RBFOX1: variants seen among roughly 807,000 people sequenced by gnomAD.
The protein encoded by RBFOX1 is RNA binding fox-1 homolog 1.
In RBFOX1, 8 loss-of-function variants were observed where a neutral mutation model predicts 57.7. The ratio of observed to expected loss-of-function variants is 0.14; its 90% CI spans 0.08 to 0.25. The LOEUF is 0.25. RBFOX1 is among the 10% of genes least tolerant of loss of function. RBFOX1 has a pLI of 1.00. For synonymous variants in RBFOX1, 326 were observed against 222.4 expected, an observed-to-expected ratio of 1.47 and a Z score of -4.15; for missense variants, 611 against 548.5, an observed-to-expected ratio of 1.11 and a Z score of -1.14.
At chr16:7,686,699 A>G (rs961364206) in intron 14 of RBFOX1, among the ~76,000 whole-genome samples, 13 of 152,254 alleles carry the variant, frequency 8.5e-5, no homozygotes, top group Admixed American at 2.6e-4. Context: ...AAATGAAGAA[A>G]CTGAGGTCCA....
chr16:5,667,433 T>C (rs1185106576), intron 3 of RBFOX1, among the ~76,000 whole-genome samples: 1 of 152,240 alleles, frequency 6.6e-6, no homozygotes, highest in Non-Finnish European at 1.5e-5. Flanking sequence ...TGTTTAGAAA[T>C]ATATTTTAAA....
At chr16:5,258,624 T>C (rs1252670539) in intron 1 of RBFOX1, among the ~76,000 whole-genome samples, 4 of 152,188 alleles carry the variant, frequency 2.6e-5, no homozygotes, top group African/African-American at 9.7e-5. Flanking sequence ...GTGGCTTTAC[T>C]TGAAAGTCTC....
At chr16:6,003,462 C>A (rs2060636738) in intron 4 of RBFOX1, among the ~76,000 whole-genome samples, 1 of 152,060 alleles carries the variant, frequency 6.6e-6, no homozygotes, top group Non-Finnish European at 1.5e-5. Flanking sequence ...TTCTCGCCAC[C>A]GCCCACCACC....
chr16:6,942,024 T>A (rs1195041780), intron 3 of RBFOX1, among the ~76,000 whole-genome samples: 1 of 151,760 alleles, frequency 6.6e-6, no homozygotes, highest in Non-Finnish European at 1.5e-5. Flanking sequence ...AAATTAGGAG[T>A]TTGAGAGCAG....
At chr16:6,379,293 G>T (rs2091540244) in intron 2 of RBFOX1, among the ~76,000 whole-genome samples, 1 of 152,118 alleles carries the variant, frequency 6.6e-6, no homozygotes, top group Non-Finnish European at 1.5e-5. Flanking sequence ...TGCTTCCCTA[G>T]GAGAGAGGCA....
At chr16:6,175,995 A>G (rs1373413974) in intron 1 of RBFOX1, among the ~76,000 whole-genome samples, 1 of 152,070 alleles carries the variant, frequency 6.6e-6, no homozygotes, top group Admixed American at 6.5e-5. Context: ...AGTCCTAGGT[A>G]TTGGTATTTC....
At chr16:6,743,201 C>G (rs571869316) in intron 3 of RBFOX1, among the ~76,000 whole-genome samples, 1 of 151,588 alleles carries the variant, frequency 6.6e-6, no homozygotes, top group Non-Finnish European at 1.5e-5. Context: ...AGCTAATAAG[C>G]CAGCAAAGGA....
At chr16:6,987,794 G>A (rs765688857) in intron 3 of RBFOX1, among the ~76,000 whole-genome samples, 3 of 152,132 alleles carry the variant, frequency 2.0e-5, no homozygotes, top group Admixed American at 6.5e-5. Context: ...ACATTGTAAG[G>A]CTGTTGGGAT....
At chr16:6,716,405 A>C (rs1395654121) in intron 3 of RBFOX1, among the ~76,000 whole-genome samples, 1 of 152,152 alleles carries the variant, frequency 6.6e-6, no homozygotes, top group Non-Finnish European at 1.5e-5. Context: ...GTGCCATTTC[A>C]AAGCGGTGGA....
At chr16:5,498,166 A>T (rs1417659912) in intron 2 of RBFOX1, among the ~76,000 whole-genome samples, 3 of 152,034 alleles carry the variant, frequency 2.0e-5, no homozygotes, top group Non-Finnish European at 2.9e-5. Context: ...TCTGAGACAG[A>T]GTTTTTGCTC....
At position 5,859,482 on chromosome 16, in the gene RBFOX1, G is replaced by A. The variant is rs191642070; in HGVS notation, c.319-7821G>A. On this transcript the variant is annotated intron_variant, in intron 3 of 19. Coordinates refer to the RBFOX1 transcript ENST00000641259. ...GGTAAGGTAACTTTCCCATGGTAGA[G>A]TAAGGACGTATAAAGATCAGGCATT... 3.4e-3 allele frequency among the ~76,000 whole-genome samples: 516 copies of A among 152,342 alleles called. 14 individuals are homozygous for A. The highest frequency in any genetic ancestry group is 0.032 in the Admixed American group (488 of 15,302).
At chr16:6,985,980 G>A (rs2090166148) in intron 3 of RBFOX1, among the ~76,000 whole-genome samples, 1 of 151,194 alleles carries the variant, frequency 6.6e-6, no homozygotes, top group Non-Finnish European at 1.5e-5. Context: ...AAACTTACCG[G>A]ACGAGAGAAA....
At chr16:6,060,209 G>A (rs1234141270) in intron 1 of RBFOX1, among the ~76,000 whole-genome samples, 1 of 137,736 alleles carries the variant, frequency 7.3e-6, no homozygotes, top group East Asian at 2.2e-4. Flanking sequence ...GAAGGAATAA[G>A]TTTGTTGCTA....
intron 3 of RBFOX1, among the ~76,000 whole-genome samples, chr16:6,840,229 C>T (rs1008503572): frequency 2.0e-5 from 3 of 152,118 alleles, no homozygotes; most frequent in African/African-American, 7.2e-5. Context: ...GTCTTTCTTT[C>T]TTTAAAGCTT....
At chr16:6,186,457 C>T (rs1230907238) in intron 1 of RBFOX1, among the ~76,000 whole-genome samples, 5 of 152,004 alleles carry the variant, frequency 3.3e-5, no homozygotes, top group Non-Finnish European at 7.3e-5. Context: ...TGTAAAGATA[C>T]TTGCTTGGTT....
chr16:7,543,903 T>C (rs1474934108), intron 5 of RBFOX1, among the ~76,000 whole-genome samples: 1 of 149,818 alleles, frequency 6.7e-6, no homozygotes, highest in African/African-American at 2.5e-5. Context: ...GTATTTTTAG[T>C]AGAGACAGAG....
At chr16:7,471,690 G>A (rs776150247) in intron 4 of RBFOX1, among the ~76,000 whole-genome samples, 3 of 152,196 alleles carry the variant, frequency 2.0e-5, no homozygotes, top group Non-Finnish European at 2.9e-5. Flanking sequence ...GAACTCAAGC[G>A]TGATTTGAAA....
At chr16:5,932,938 A>G (rs1172528021) in intron 4 of RBFOX1, among the ~76,000 whole-genome samples, 2 of 152,152 alleles carry the variant, frequency 1.3e-5, no homozygotes, top group Non-Finnish European at 2.9e-5. Flanking sequence ...AAAGCTCTCA[A>G]AATTATTAGG....
intron 1 of RBFOX1, among the ~76,000 whole-genome samples, chr16:5,322,900 G>A (rs965412262): frequency 4.6e-5 from 7 of 152,166 alleles, no homozygotes; most frequent in Non-Finnish European, 8.8e-5. Context: ...TTTCTCTTCC[G>A]GCATGAATGG....
Sources: gnomAD v4.1 joint callset for allele counts (sites outside exome capture counted in the v4.1 genomes callset) on GRCh38, gnomAD v4.1.1 for gene constraint, MANE v1.5 for transcripts, NCBI Gene and HGNC (gene_info 2026-07-23, HGNC 2026-07-21) for gene names.